Variants in ZBTB37 observed in about 807,000 individuals in gnomAD.
ZBTB37 encodes zinc finger and BTB domain containing 37.
ZBTB37 carries 15 observed loss-of-function variants against 37.7 expected under a neutral mutation model. That is an observed-to-expected ratio of 0.40 (90% confidence interval 0.27 to 0.61). ZBTB37 has a LOEUF of 0.61. ZBTB37 is among the 20% of genes least tolerant of loss of function. The pLI is 0.44. For missense variants in ZBTB37, 514 were observed against 641.9 expected (o/e 0.80, Z 2.15); for synonymous variants, 231 against 220.6 (o/e 1.05, Z -0.42).
At chr1:173,889,252 G>A (rs1656747656), downstream of ZBTB37, 2 of 152,210 alleles carry the variant, frequency 1.3e-5, no homozygotes, top group South Asian at 4.1e-4. Context: ...CAACACATTG[G>A]TCATAGGAGT....
chr1:173,887,329 A>G (rs1318447790), downstream of ZBTB37: 2 of 152,214 alleles, frequency 1.3e-5, no homozygotes, highest in Non-Finnish European at 2.9e-5. Flanking sequence ...TAATTCATAA[A>G]CCAACCATCA....
chr1:173,873,232 C>T (rs1284423808), intron 3 of ZBTB37, among the ~76,000 whole-genome samples: 1 of 152,170 alleles, frequency 6.6e-6, no homozygotes, highest in Non-Finnish European at 1.5e-5. Context: ...GCTTTAGCTT[C>T]ACCAGCTCAT....
At chr1:173,871,567 C>T (rs1655565320) in intron 3 of ZBTB37, among the ~76,000 whole-genome samples, 1 of 152,222 alleles carries the variant, frequency 6.6e-6, no homozygotes, top group African/African-American at 2.4e-5. Flanking sequence ...GCACTGCTTG[C>T]TTTTCTTTGC....
intron 4 of ZBTB37, among the ~76,000 whole-genome samples, chr1:173,879,380 T>A (rs1421751755): frequency 6.6e-6 from 1 of 152,086 alleles, no homozygotes; most frequent in Non-Finnish European, 1.5e-5. Flanking sequence ...AATATGTATA[T>A]GCGTGGGTGT....
intron 4 of ZBTB37, among the ~76,000 whole-genome samples, chr1:173,882,743 A>G (rs1305336301): frequency 6.6e-6 from 1 of 152,094 alleles, no homozygotes; most frequent in Non-Finnish European, 1.5e-5. Context: ...TCCATCTTGA[A>G]TTAATTTTTG....
chr1:173,873,397 G>A (rs1655699355), intron 3 of ZBTB37, 70 bp from the exon 4 acceptor site: 28 of 1,460,524 alleles, frequency 1.9e-5, no homozygotes, highest in Middle Eastern at 1.8e-4. Flanking sequence ...AAAGAGGGGC[G>A]ACATCACCAT....
At chr1:173,871,382 TC>T (rs1409767865) in intron 3 of ZBTB37, among the ~76,000 whole-genome samples, 2 of 152,166 alleles carry the variant, frequency 1.3e-5, no homozygotes, top group Non-Finnish European at 2.9e-5. Flanking sequence ...GTTAGACACT[TC>T]CGTGAATCAG....
At chr1:173,896,859 T>C (rs1024475696) in exon 4 of ZBTB37, 1 of 152,208 alleles carries the variant, frequency 6.6e-6, no homozygotes, top group Non-Finnish European at 1.5e-5. Context: ...GCTTAAAATG[T>C]GTTTCCTCTG....
exon 4 of ZBTB37, chr1:173,895,687 C>T (rs1015316566): frequency 9.2e-5 from 14 of 152,188 alleles, no homozygotes; most frequent in African/African-American, 2.9e-4. Context: ...GAAAATTCAT[C>T]GCCCAATTTT....
At chr1:173,870,598 A>G in exon 3 of ZBTB37, 1 of 1,614,206 alleles carries the variant, frequency 6.2e-7, no homozygotes, top group Non-Finnish European at 8.5e-7. Flanking sequence ...CCTGGAGGGC[A>G]TTCATTTCAA....
intron 4 of ZBTB37, among the ~76,000 whole-genome samples, chr1:173,877,347 A>C (rs1291676386): frequency 6.6e-6 from 1 of 151,524 alleles, no homozygotes; most frequent in Non-Finnish European, 1.5e-5. Context: ...TGTCCACTTA[A>C]GGAAAGTGTT....
At chr1:173,873,030 A>G (rs565029699) in intron 3 of ZBTB37, among the ~76,000 whole-genome samples, 1 of 152,138 alleles carries the variant, frequency 6.6e-6, no homozygotes, top group South Asian at 2.1e-4. Flanking sequence ...AAGTAATATC[A>G]ATTTCAATGC....
chr1:173,870,239 G>A, exon 3 of ZBTB37: 1 of 1,611,380 alleles, frequency 6.2e-7, no homozygotes. Context: ...GAGAAAGGTG[G>A]GAACATACAA....
chr1:173,902,782 G>A (rs1360086126), exon 4 of ZBTB37: 2 of 152,120 alleles, frequency 1.3e-5, no homozygotes, highest in Non-Finnish European at 2.9e-5. Context: ...ACTTCAGGAG[G>A]AGAGTTAAGG....
At chr1:173,878,905 A>G (rs1195937355) in intron 4 of ZBTB37, among the ~76,000 whole-genome samples, 1 of 152,070 alleles carries the variant, frequency 6.6e-6, no homozygotes, top group Non-Finnish European at 1.5e-5. Context: ...CCTGGCTAAC[A>G]TGGTGAAACC....
chr1:173,902,213 T>C (rs1460002107), exon 4 of ZBTB37: 1 of 152,260 alleles, frequency 6.6e-6, no homozygotes, highest in East Asian at 1.9e-4. Flanking sequence ...TCAGTTGATA[T>C]TGATTGATAG....
exon 4 of ZBTB37, chr1:173,894,072 T>C (rs1656951308): frequency 6.6e-6 from 1 of 152,216 alleles, no homozygotes; most frequent in South Asian, 2.1e-4. Flanking sequence ...GATTAGAAGG[T>C]TCTTCAAAAG....
chr1:173,874,550 A>G (rs1174406355), intron 4 of ZBTB37, among the ~76,000 whole-genome samples: 1 of 151,932 alleles, frequency 6.6e-6, no homozygotes, highest in East Asian at 1.9e-4. Flanking sequence ...ACGGGGTTTC[A>G]CCGTGTTAGC....
intron 4 of ZBTB37, among the ~76,000 whole-genome samples, chr1:173,875,311 T>C (rs1655890616): frequency 7.5e-6 from 1 of 134,130 alleles, no homozygotes; most frequent in South Asian, 2.4e-4. Flanking sequence ...TATATATATA[T>C]GTGTGCATAT....
Sources: gnomAD v4.1 joint callset for allele counts (sites outside exome capture counted in the v4.1 genomes callset) on GRCh38, gnomAD v4.1.1 for gene constraint, MANE v1.5 for transcripts, NCBI Gene and HGNC (gene_info 2026-07-23, HGNC 2026-07-21) for gene names.